Variants in PTPRT observed in about 807,000 individuals in gnomAD.
PTPRT encodes receptor-type tyrosine-protein phosphatase T.
Under a neutral mutation model 176.8 loss-of-function variants are expected in PTPRT, and 56 were observed. That is an observed-to-expected ratio of 0.32 (90% CI 0.26 to 0.40). The LOEUF is 0.40. PTPRT is among the 10% of genes least tolerant of loss of function. The probability of loss-of-function intolerance (pLI) is 1.00; values close to 1 mark genes in which losing one functional copy is unlikely to be tolerated. For synonymous variants in PTPRT, 783 were observed against 739.0 expected, an observed-to-expected ratio of 1.06 and a Z score of -0.96; for missense variants, 1,540 against 1,908.2, an observed-to-expected ratio of 0.81 and a Z score of 3.60.
chr20:42,427,281 G>C (rs2059173383), intron 9 of PTPRT, among the ~76,000 whole-genome samples: 2 of 152,146 alleles, frequency 1.3e-5, no homozygotes, highest in African/African-American at 4.8e-5. Context: ...TACACAAAAA[G>C]GGAAGGTCTT....
intron 1 of PTPRT, among the ~76,000 whole-genome samples, chr20:43,002,116 C>T (rs1307339576): frequency 6.7e-6 from 1 of 148,880 alleles, no homozygotes; most frequent in Non-Finnish European, 1.5e-5. Flanking sequence ...CCTGTGCATG[C>T]ACTTTCTCCT....
chr20:42,725,686 C>G (rs375399495), intron 6 of PTPRT, among the ~76,000 whole-genome samples: 3 of 152,094 alleles, frequency 2.0e-5, no homozygotes, highest in Admixed American at 6.5e-5. Context: ...GGCGAGGTTG[C>G]GCAGAAATAG....
intron 1 of PTPRT, among the ~76,000 whole-genome samples, chr20:43,120,400 T>C (rs1271208828): frequency 1.3e-5 from 2 of 151,894 alleles, no homozygotes; most frequent in African/African-American, 4.8e-5. Context: ...GTCTCCCGAG[T>C]AGCTGGGACT....
chr20:42,596,370 TATC>T, intron 7 of PTPRT, among the ~76,000 whole-genome samples: 1 of 152,344 alleles, frequency 6.6e-6, no homozygotes, highest in Non-Finnish European at 1.5e-5. Context: ...ATAGTTCAGG[TATC>T]ATCTTCGTTT....
chr20:42,434,148 G>A (rs2059240336), intron 9 of PTPRT, among the ~76,000 whole-genome samples: 1 of 151,852 alleles, frequency 6.6e-6, no homozygotes, highest in Non-Finnish European at 1.5e-5. Context: ...AAACCCACAT[G>A]AAGATGGCTA....
chr20:42,203,856 T>C (rs1201952142), intron 15 of PTPRT, among the ~76,000 whole-genome samples: 1 of 152,254 alleles, frequency 6.6e-6, no homozygotes, highest in Non-Finnish European at 1.5e-5. Context: ...GGGAGGGTTT[T>C]GGTGCCATGT....
chr20:42,144,231 G>A (rs1284387602), intron 17 of PTPRT, among the ~76,000 whole-genome samples: 1 of 152,130 alleles, frequency 6.6e-6, no homozygotes, highest in African/African-American at 2.4e-5. Context: ...TTATTGAGAT[G>A]GAGAAGCCTG....
chr20:42,345,458 C>CAT (rs199727696), intron 11 of PTPRT, among the ~76,000 whole-genome samples: 12 of 146,880 alleles, frequency 8.2e-5, no homozygotes, highest in African/African-American at 1.0e-4. Flanking sequence ...TATAGATATA[C>CAT]ATATATATAT....
At chr20:42,288,493 T>C (rs1000479674) in intron 12 of PTPRT, among the ~76,000 whole-genome samples, 4 of 151,878 alleles carry the variant, frequency 2.6e-5, no homozygotes, top group Non-Finnish European at 5.9e-5. Flanking sequence ...CAATATGTAG[T>C]TTTTCAGCCC....
intron 12 of PTPRT, among the ~76,000 whole-genome samples, chr20:42,311,536 C>A (rs901624036): frequency 7.9e-5 from 12 of 152,172 alleles, no homozygotes; most frequent in Non-Finnish European, 1.8e-4. Flanking sequence ...GCAACAAATG[C>A]CCATTTCTGC....
At chr20:42,953,762 C>G (rs1475849108) in intron 1 of PTPRT, among the ~76,000 whole-genome samples, 1 of 152,162 alleles carries the variant, frequency 6.6e-6, no homozygotes, top group Non-Finnish European at 1.5e-5. Flanking sequence ...ATGACTGAGC[C>G]TGGCTAAACC....
intron 1 of PTPRT, among the ~76,000 whole-genome samples, chr20:43,083,162 C>T (rs1457442832): frequency 6.6e-6 from 1 of 150,388 alleles, no homozygotes; most frequent in Non-Finnish European, 1.5e-5. Context: ...TAGACTGAAC[C>T]CCTGGTGTTT....
intron 19 of PTPRT, among the ~76,000 whole-genome samples, chr20:42,127,491 G>A (rs17221067): frequency 0.25 from 37,561 of 152,128 alleles, 4,939 homozygotes; most frequent in Non-Finnish European, 0.29. Flanking sequence ...CAAGCAGTCA[G>A]ATGATCAATA....
chr20:42,806,288 A>G (rs1412047983), intron 2 of PTPRT, among the ~76,000 whole-genome samples: 2 of 152,112 alleles, frequency 1.3e-5, no homozygotes, highest in Non-Finnish European at 2.9e-5. Context: ...GATCAAGACT[A>G]TCCTGGCCAA....
intron 9 of PTPRT, among the ~76,000 whole-genome samples, chr20:42,420,838 G>A (rs909176972): frequency 6.6e-6 from 1 of 152,216 alleles, no homozygotes; most frequent in South Asian, 2.1e-4. Context: ...GAACACTGTA[G>A]TGGGGTTTGG....
the PTPRT span, among the ~76,000 whole-genome samples, chr20:42,032,492 A>G: frequency 9.2e-5 from 14 of 152,292 alleles, no homozygotes; most frequent in African/African-American, 3.1e-4. Flanking sequence ...AACAAGCAGA[A>G]AAGGGGAAAG....
At chr20:42,784,081 T>C (rs746496627) in intron 3 of PTPRT, among the ~76,000 whole-genome samples, 2 of 152,154 alleles carry the variant, frequency 1.3e-5, no homozygotes, top group Non-Finnish European at 2.9e-5. Flanking sequence ...AGAGACCTCC[T>C]GGTGCGGGTG....
chr20:42,946,786 G>A (rs75727142), intron 1 of PTPRT, among the ~76,000 whole-genome samples: 4 of 152,096 alleles, frequency 2.6e-5, no homozygotes, highest in East Asian at 1.9e-4. Flanking sequence ...GATTTACAAC[G>A]GGGTTTCTCA....
chr20:43,035,287 C>T (rs976759579), intron 1 of PTPRT, among the ~76,000 whole-genome samples: 3 of 127,390 alleles, frequency 2.4e-5, no homozygotes, highest in African/African-American at 8.8e-5. Flanking sequence ...ACCAAGAGCA[C>T]TTGGATACTT....
Sources: gnomAD v4.1 joint callset for allele counts (sites outside exome capture counted in the v4.1 genomes callset) on GRCh38, gnomAD v4.1.1 for gene constraint, MANE v1.5 for transcripts, NCBI Gene and HGNC (gene_info 2026-07-23, HGNC 2026-07-21) for gene names.